PRKCB: variants seen among roughly 807,000 people sequenced by gnomAD.
PRKCB encodes protein kinase C beta type.
In PRKCB, 13 loss-of-function variants were observed where a neutral mutation model predicts 81.5. That is an observed-to-expected ratio of 0.16 (90% CI 0.10 to 0.25). The LOEUF (loss-of-function observed/expected upper bound fraction) is 0.25, where lower values mean the gene tolerates loss of function less well. Ranked by LOEUF, PRKCB falls within the 10% of genes least tolerant of loss-of-function variation. The pLI is 1.00. For missense variants in PRKCB, 509 were observed against 875.7 expected, an observed-to-expected ratio of 0.58 and a Z score of 5.29; for synonymous variants, 335 against 321.4, an observed-to-expected ratio of 1.04 and a Z score of -0.45.
chr16:24,063,819 C>T (rs1966001847), intron 5 of PRKCB, among the ~76,000 whole-genome samples: 1 of 152,064 alleles, frequency 6.6e-6, no homozygotes, highest in South Asian at 2.1e-4. Context: ...AAGGACATAC[C>T]AGGATATTTA....
chr16:24,115,397 CAA>C (rs1966726102), intron 8 of PRKCB, among the ~76,000 whole-genome samples: 1 of 148,480 alleles, frequency 6.7e-6, no homozygotes, highest in East Asian at 2.0e-4. Flanking sequence ...ATATTTATCC[CAA>C]GGATTTTAGC....
At chr16:24,082,329 G>A (rs1966260054) in intron 5 of PRKCB, among the ~76,000 whole-genome samples, 1 of 152,178 alleles carries the variant, frequency 6.6e-6, no homozygotes, top group African/African-American at 2.4e-5. Context: ...CAAAATCCCA[G>A]CAGGATTTTT....
At chr16:23,989,583 T>C (rs1490909828) in intron 3 of PRKCB, among the ~76,000 whole-genome samples, 1 of 152,210 alleles carries the variant, frequency 6.6e-6, no homozygotes, top group Non-Finnish European at 1.5e-5. Context: ...TGGTTTTGCA[T>C]TTATGATAAG....
At chr16:23,858,910 C>T (rs1962617636) in intron 2 of PRKCB, among the ~76,000 whole-genome samples, 1 of 152,052 alleles carries the variant, frequency 6.6e-6, no homozygotes, top group South Asian at 2.1e-4. Context: ...GTGACTGAGG[C>T]TTAGAGATAT....
chr16:24,152,324 C>T (rs998207950), intron 9 of PRKCB, among the ~76,000 whole-genome samples: 5 of 152,058 alleles, frequency 3.3e-5, no homozygotes, highest in African/African-American at 9.7e-5. Flanking sequence ...GGCAGGAAAC[C>T]GCTCCCATGA....
intron 2 of PRKCB, among the ~76,000 whole-genome samples, chr16:23,925,299 A>G (rs1963880950): frequency 6.6e-6 from 1 of 152,148 alleles, no homozygotes; most frequent in Middle Eastern, 3.4e-3. Flanking sequence ...CCCTGATAAC[A>G]TCTTAGTGGA....
At chr16:23,910,508 G>T (rs1468511705) in intron 2 of PRKCB, among the ~76,000 whole-genome samples, 2 of 152,140 alleles carry the variant, frequency 1.3e-5, no homozygotes. Flanking sequence ...AACAGAGCAG[G>T]TCTCAGGCTC....
At chr16:24,059,580 G>A (rs1965946443) in intron 5 of PRKCB, among the ~76,000 whole-genome samples, 2 of 151,992 alleles carry the variant, frequency 1.3e-5, no homozygotes, top group Non-Finnish European at 1.5e-5. Context: ...GGTGGAAGGA[G>A]CCCTTGAGCC....
chr16:23,966,226 G>A (rs1296817317), intron 2 of PRKCB, among the ~76,000 whole-genome samples: 1 of 152,208 alleles, frequency 6.6e-6, no homozygotes, highest in East Asian at 1.9e-4. Context: ...TGCCCTGGGA[G>A]GGGCTTCTTT....
At position 23,908,019 on chromosome 16, in the gene PRKCB, T is replaced by C. The variant is rs145437522; in HGVS notation, c.205+70613T>C. On this transcript the variant is annotated intron_variant, in intron 2 of 16. Coordinates refer to ENST00000643927, the MANE Select transcript of PRKCB (RefSeq NM_002738.7). Reference sequence around the variant, plus strand: ...TTGGGGGCAGCAGGAAGCACACGTGTCTATTCGGAGATTTGGGGCAGCAGG... The same window carrying C: ...TTGGGGGCAGCAGGAAGCACACGTGCCTATTCGGAGATTTGGGGCAGCAGG... Among the ~76,000 whole-genome samples, 322 of 152,144 alleles carry C rather than the reference T, an allele frequency of 2.1e-3. 2 individuals carry two copies. Among genetic ancestry groups the C allele is most frequent in the African/African-American group, 7.4e-3 (306 of 41,484 alleles).
At chr16:24,049,054 T>G (rs900233550) in intron 5 of PRKCB, among the ~76,000 whole-genome samples, 5 of 134,246 alleles carry the variant, frequency 3.7e-5, no homozygotes, top group African/African-American at 1.2e-4. Flanking sequence ...CCTGTTTTTT[T>G]TTTTTTTTTT....
intron 2 of PRKCB, among the ~76,000 whole-genome samples, chr16:23,917,922 G>A (rs1160517279): frequency 2.6e-5 from 4 of 152,192 alleles, no homozygotes; most frequent in African/African-American, 7.2e-5. Flanking sequence ...ACTAATCAAC[G>A]CATTTCACAT....
At chr16:24,068,694 A>G (rs1181339299) in intron 5 of PRKCB, among the ~76,000 whole-genome samples, 1 of 152,234 alleles carries the variant, frequency 6.6e-6, no homozygotes, top group Non-Finnish European at 1.5e-5. Context: ...TTGAATGTTA[A>G]CATGGAAAAA....
chr16:24,086,759 T>C (rs1966315436), intron 5 of PRKCB, among the ~76,000 whole-genome samples: 1 of 152,250 alleles, frequency 6.6e-6, no homozygotes, highest in Admixed American at 6.5e-5. Flanking sequence ...TTCCTCTACC[T>C]GTTCCTCAGA....
At chr16:23,849,772 A>T (rs1268751408) in intron 2 of PRKCB, among the ~76,000 whole-genome samples, 1 of 152,218 alleles carries the variant, frequency 6.6e-6, no homozygotes, top group South Asian at 2.1e-4. Context: ...ACATATATAC[A>T]ATGTGTCATG....
At chr16:23,861,753 A>C (rs568554937) in intron 2 of PRKCB, among the ~76,000 whole-genome samples, 94 of 152,308 alleles carry the variant, frequency 6.2e-4, no homozygotes, top group Admixed American at 2.4e-3. Context: ...GAGCTGTGGC[A>C]GCTATGTTTT....
chr16:24,046,227 A>G (rs1036226339), intron 5 of PRKCB, among the ~76,000 whole-genome samples: 1 of 152,172 alleles, frequency 6.6e-6, no homozygotes, highest in African/African-American at 2.4e-5. Flanking sequence ...TTTTAGGCCA[A>G]TGTGGTCTAT....
intron 7 of PRKCB, among the ~76,000 whole-genome samples, chr16:24,108,960 G>T (rs948510671): frequency 1.3e-5 from 2 of 149,420 alleles, no homozygotes; most frequent in Non-Finnish European, 3.0e-5. Context: ...TTCCCGGATG[G>T]GGGGGCTGGC....
intron 2 of PRKCB, among the ~76,000 whole-genome samples, chr16:23,926,416 G>T (rs1026232158): frequency 5.3e-5 from 8 of 151,680 alleles, no homozygotes; most frequent in African/African-American, 1.9e-4. Context: ...CCCGGGAGGT[G>T]GAGGTTGCAG....
Sources: gnomAD v4.1 joint callset for allele counts (sites outside exome capture counted in the v4.1 genomes callset) on GRCh38, gnomAD v4.1.1 for gene constraint, MANE v1.5 for transcripts, NCBI Gene and HGNC (gene_info 2026-07-23, HGNC 2026-07-21) for gene names.